The following RALGAPA2 variants were observed in gnomAD, a reference collection of about 807,000 sequenced individuals.
RALGAPA2 encodes Ral GTPase activating protein catalytic subunit alpha 2, also known as ral GTPase-activating protein subunit alpha-2.
In RALGAPA2, 139 loss-of-function variants were observed where a neutral mutation model predicts 230.4. The observed-to-expected ratio is 0.60, with a 90% CI of 0.53 to 0.69. The LOEUF (loss-of-function observed/expected upper bound fraction) is 0.69. RALGAPA2 is among the 30% of genes least tolerant of loss of function. The pLI is 0.00. For missense variants in RALGAPA2, 2,163 were observed against 2,276.0 expected, an observed-to-expected ratio of 0.95 and a Z score of 1.01; for synonymous variants, 847 against 837.8, an observed-to-expected ratio of 1.01 and a Z score of -0.19.
At chr20:20,597,420 T>C (rs567323930) in intron 16 of RALGAPA2, among the ~76,000 whole-genome samples, 53 of 152,332 alleles carry the variant, frequency 3.5e-4, no homozygotes, top group Non-Finnish European at 5.4e-4. Context: ...AGAAACATTA[T>C]AGTCCTCGCT....
chr20:20,563,423 A>G (rs1178123546), intron 23 of RALGAPA2, among the ~76,000 whole-genome samples: 1 of 152,244 alleles, frequency 6.6e-6, no homozygotes, highest in Admixed American at 6.5e-5. Context: ...AAATACATTT[A>G]CAATTTGCAT....
At chr20:20,688,514 CT>C (rs1367978652) in intron 1 of RALGAPA2, among the ~76,000 whole-genome samples, 2 of 152,152 alleles carry the variant, frequency 1.3e-5, no homozygotes, top group African/African-American at 4.8e-5. Context: ...AGGAAGTGGG[CT>C]GTGAAGGAAG....
chr20:20,671,307 T>A (rs1056343686), intron 3 of RALGAPA2, among the ~76,000 whole-genome samples: 3 of 152,242 alleles, frequency 2.0e-5, no homozygotes, highest in African/African-American at 7.2e-5. Flanking sequence ...CCTTCTTATC[T>A]CTTACCTCTA....
intron 24 of RALGAPA2, among the ~76,000 whole-genome samples, chr20:20,537,475 C>G (rs780780433): frequency 2.0e-5 from 3 of 151,822 alleles, no homozygotes; most frequent in Non-Finnish European, 4.4e-5. Context: ...TAAAAATTAG[C>G]CAGGCATGGT....
At chr20:20,455,966 TA>T (rs1333572830) in intron 37 of RALGAPA2, among the ~76,000 whole-genome samples, 1 of 152,108 alleles carries the variant, frequency 6.6e-6, no homozygotes, top group African/African-American at 2.4e-5. Context: ...AAAGTGAAAA[TA>T]AGGAGCTCAA....
At chr20:20,676,908 T>C (rs1261172790) in intron 2 of RALGAPA2, among the ~76,000 whole-genome samples, 11 of 152,168 alleles carry the variant, frequency 7.2e-5, no homozygotes, top group African/African-American at 2.4e-4. Context: ...TCAAATCTGC[T>C]GTTACAGTAC....
chr20:20,573,101 A>G (rs1410391261), intron 20 of RALGAPA2, 33 bp from the exon 21 acceptor site: 1 of 1,516,440 alleles, frequency 6.6e-7, no homozygotes, highest in Non-Finnish European at 8.9e-7. Flanking sequence ...TAACCCTGTA[A>G]ACAATCTTGA....
At chr20:20,395,399 G>T (rs183335742) in intron 39 of RALGAPA2, among the ~76,000 whole-genome samples, 1 of 152,248 alleles carries the variant, frequency 6.6e-6, no homozygotes, top group East Asian at 1.9e-4. Context: ...TGCTCCACTC[G>T]CACTGCCTCC....
intron 35 of RALGAPA2, 88 bp downstream of exon 35, chr20:20,503,263 T>G: frequency 8.3e-7 from 1 of 1,203,734 alleles, no homozygotes; most frequent in Non-Finnish European, 1.1e-6. Flanking sequence ...CATCTCAGTG[T>G]GCGTTCTACC....
At chr20:20,489,676 G>T (rs1046547770) in intron 36 of RALGAPA2, among the ~76,000 whole-genome samples, 1 of 152,102 alleles carries the variant, frequency 6.6e-6, no homozygotes, top group Non-Finnish European at 1.5e-5. Flanking sequence ...GGCAATGAGC[G>T]CTCTTTCCTT....
intron 1 of RALGAPA2, among the ~76,000 whole-genome samples, chr20:20,696,490 C>A (rs2069116874): frequency 6.6e-6 from 1 of 152,168 alleles, no homozygotes. Context: ...GATCACTCCT[C>A]TGCTCTTTGC....
intron 24 of RALGAPA2, among the ~76,000 whole-genome samples, chr20:20,546,227 G>A (rs1338612518): frequency 6.6e-6 from 1 of 152,096 alleles, no homozygotes; most frequent in Non-Finnish European, 1.5e-5. Context: ...ATTCTGGCAT[G>A]TTATTAAGAG....
At chr20:20,674,031 T>C (rs972521541) in intron 3 of RALGAPA2, among the ~76,000 whole-genome samples, 1 of 151,194 alleles carries the variant, frequency 6.6e-6, no homozygotes, top group Non-Finnish European at 1.5e-5. Flanking sequence ...CTACAACAAA[T>C]TAAAAAGAAA....
In RALGAPA2 at chr20:20,592,370, C is replaced by G. The variant is rs536251650; in HGVS notation, c.2204-1056G>C. On this transcript the variant is annotated intron_variant, in intron 16 of 39. Coordinates refer to ENST00000202677, the MANE Select transcript of RALGAPA2 (RefSeq NM_020343.4). ...TCACTTTAGTCTCCAGTAGTACTAA[C>G]CCAGTTGGCACCTGCTACTCTGTTC... Among the ~76,000 whole-genome samples the G allele has an allele frequency of 1.1e-4, 16 of 152,264 alleles. 1 individual carries two copies. The East Asian group carries it at 3.1e-3, about 29-fold the overall frequency.
chr20:20,598,938 C>T (rs905457932), intron 16 of RALGAPA2: 21 of 351,352 alleles, frequency 6.0e-5, no homozygotes, highest in Non-Finnish European at 1.2e-4. Flanking sequence ...AACTTTTAAA[C>T]TTTAAAGGAA....
chr20:20,622,253 T>C (rs1387121478), intron 10 of RALGAPA2, among the ~76,000 whole-genome samples: 1 of 151,204 alleles, frequency 6.6e-6, no homozygotes, highest in Non-Finnish European at 1.5e-5. Flanking sequence ...AATGAATGAC[T>C]GGAGATGCAG....
intron 36 of RALGAPA2, among the ~76,000 whole-genome samples, chr20:20,494,637 C>T (rs6137046): frequency 0.018 from 2,785 of 152,274 alleles, 97 homozygotes; most frequent in East Asian, 0.14. Context: ...CCGGCCTCTT[C>T]GTGGACATGC....
chr20:20,558,270 T>C (rs1449843796), intron 23 of RALGAPA2, among the ~76,000 whole-genome samples: 2 of 152,208 alleles, frequency 1.3e-5, no homozygotes, highest in Non-Finnish European at 2.9e-5. Context: ...CCTCCCAAAG[T>C]GCTGGGATTA....
At chr20:20,410,824 C>A (rs888265999) in intron 38 of RALGAPA2, among the ~76,000 whole-genome samples, 1 of 152,140 alleles carries the variant, frequency 6.6e-6, no homozygotes, top group Admixed American at 6.5e-5. Context: ...TGACGCCTCA[C>A]CAGGAAGCAG....
Sources: gnomAD v4.1 joint callset for allele counts (sites outside exome capture counted in the v4.1 genomes callset) on GRCh38, gnomAD v4.1.1 for gene constraint, MANE v1.5 for transcripts, NCBI Gene and HGNC (gene_info 2026-07-23, HGNC 2026-07-21) for gene names.